Variants in GBF1 observed in about 807,000 individuals in gnomAD.
GBF1 encodes the protein golgi brefeldin A resistant guanine nucleotide exchange factor 1.
In GBF1, 114 loss-of-function variants were observed where a neutral mutation model predicts 210.5. The ratio of observed to expected loss-of-function variants is 0.54; its 90% CI spans 0.47 to 0.63. The LOEUF is 0.63. Among genes scored for constraint, GBF1 ranks in the 30% least tolerant of loss-of-function variants. GBF1 has a pLI of 0.00. For synonymous variants in GBF1, 850 were observed against 889.2 expected, an observed-to-expected ratio of 0.96 and a Z score of 0.78; for missense variants, 1,851 against 2,357.7, an observed-to-expected ratio of 0.79 and a Z score of 4.45.
At chr10:102,362,004 A>G in intron 14 of GBF1, 92 bp downstream of exon 14, 2 of 584,830 alleles carry the variant, frequency 3.4e-6, no homozygotes, top group Non-Finnish European at 5.7e-6. Context: ...AGAGAGGGGA[A>G]CACTTGAGAG....
intron 3 of GBF1, among the ~76,000 whole-genome samples, chr10:102,298,701 T>C (rs577586655): frequency 3.9e-5 from 6 of 152,320 alleles, no homozygotes; most frequent in African/African-American, 1.4e-4. Flanking sequence ...ATCCCCATTG[T>C]ATAGAAGAGG....
intron 29 of GBF1, among the ~76,000 whole-genome samples, chr10:102,373,624 G>T (rs1380565741): frequency 2.0e-5 from 3 of 152,200 alleles, no homozygotes; most frequent in Non-Finnish European, 4.4e-5. Flanking sequence ...GAAATAAAAA[G>T]TAGTGACAAT....
At chr10:102,271,284 G>A (rs776153687) in intron 3 of GBF1, among the ~76,000 whole-genome samples, 81 of 152,018 alleles carry the variant, frequency 5.3e-4, no homozygotes, top group Non-Finnish European at 7.5e-4. Flanking sequence ...TGATCTGCCC[G>A]CCTCGGCCTC....
At chr10:102,345,959 A>T (rs1397640562) in intron 4 of GBF1, among the ~76,000 whole-genome samples, 2 of 151,970 alleles carry the variant, frequency 1.3e-5, no homozygotes, top group Admixed American at 6.6e-5. Flanking sequence ...TAGCTCTATA[A>T]TTTCCATAGT....
At position 102,377,147 on chromosome 10, in the gene GBF1, A is replaced by G; in HGVS notation, c.4494+7A>G. ...TTTACAGGTCAGTCAGGACGTAAGT[A>G]TGGCACCCTTTACTTCCTCTCCTCC... On this transcript the variant is annotated splice_region_variant and intron_variant, in intron 33 of 39. Transcript: ENST00000369983. The G allele has an allele frequency of 1.2e-6, 2 of 1,607,632 alleles. No individual in the cohort carries two copies. The highest frequency in any genetic ancestry group is 2.7e-5 in the African/African-American group (2 of 74,908).
intron 3 of GBF1, among the ~76,000 whole-genome samples, chr10:102,334,214 T>G (rs1337943131): frequency 6.6e-6 from 1 of 152,092 alleles, no homozygotes; most frequent in African/African-American, 2.4e-5. Flanking sequence ...CCAAATGGTG[T>G]TGAAATAACA....
chr10:102,379,997 C>T, intron 36 of GBF1, 43 bp downstream of exon 36: 1 of 1,346,154 alleles, frequency 7.4e-7, no homozygotes. Context: ...CCCATACCTG[C>T]CTTTTCCCGA....
At position 102,376,712 on chromosome 10, in the gene GBF1, T is replaced by C. The variant is rs2180707; in HGVS notation, c.4200T>C (p.Ile1400=). The C allele has an allele frequency of 1, 1,612,068 of 1,613,278 alleles. 805,445 individuals carry two copies. Among genetic ancestry groups the C allele is most frequent in the East Asian group, 1 (44,859 of 44,860 alleles). Residue 1400 remains isoleucine (I), a synonymous_variant, in exon 32 of 40, where the codon ATT becomes ATC. Transcript: ENST00000369983. ...LLKCVESLSF[I]VRDAAHITPD... The stretch of plus-strand genomic sequence containing the variant: ...AGTGTGTGGAATCGCTGTCCTTCAT[T>C]GTGCGTGATGCTGCCCACATCACAC...
chr10:102,285,851 A>T (rs1423203118), intron 3 of GBF1, among the ~76,000 whole-genome samples: 1 of 150,896 alleles, frequency 6.6e-6, no homozygotes, highest in Non-Finnish European at 1.5e-5. Context: ...TTATATGTTG[A>T]GTGGTAGGTT....
In GBF1 at chr10:102,361,733, C is replaced by T; in HGVS notation, c.1507C>T (p.Leu503Phe). Reference sequence around the variant, plus strand: ...TTATTGCCAGATGTACATCAAAAAGCTTATGGAGATCATCACTGTGGAGAA... The same window carrying T: ...TTATTGCCAGATGTACATCAAAAAGTTTATGGAGATCATCACTGTGGAGAA... Reference protein sequence around the residue: ...KFQMEMYIKKLMEIITVENPK... With the variant: ...KFQMEMYIKKFMEIITVENPK... The change falls in exon 14 of 40, where the codon CTT (leucine) becomes TTT (phenylalanine). Residue 503 changes from leucine (L) to phenylalanine (F), a missense_variant. Leu to Phe is a conservative substitution (Grantham distance 22, BLOSUM62 0). Coordinates refer to ENST00000369983, the MANE Select transcript of GBF1 (RefSeq NM_001377137.1). 1 of 1,596,182 alleles carries T rather than the reference C, an allele frequency of 6.3e-7. No individual in the cohort carries two copies. The highest frequency in any genetic ancestry group is 8.5e-7 in the Non-Finnish European group (1 of 1,171,626).
chr10:102,248,398 AT>A (rs1453183806), intron 1 of GBF1, among the ~76,000 whole-genome samples: 1 of 152,032 alleles, frequency 6.6e-6, no homozygotes, highest in African/African-American at 2.4e-5. Flanking sequence ...AGAAGTGATT[AT>A]TTGTTCTAGT....
intron 3 of GBF1, among the ~76,000 whole-genome samples, chr10:102,267,843 T>G (rs1489248804): frequency 6.6e-6 from 1 of 152,194 alleles, no homozygotes; most frequent in East Asian, 1.9e-4. Flanking sequence ...CTGTTTTACT[T>G]TCTTGGTTTA....
chr10:102,359,342 T>C lies in GBF1; in HGVS notation c.1087T>C (p.Ser363Pro). The C allele has an allele frequency of 6.2e-7, 1 of 1,610,508 alleles. No homozygotes were observed. The highest frequency in any genetic ancestry group is 2.2e-5 in the East Asian group (1 of 44,862). The change falls in exon 11 of 40, where the codon TCC (serine) becomes CCC (proline). Residue 363 changes from serine (S) to proline (P), a missense_variant. By Grantham distance (74) the Ser-to-Pro change is moderately conservative (BLOSUM62 -1). Transcript: ENST00000369983. Reference protein sequence around the residue: ...SIPEVLEECTSPADHSDSASV... With the variant: ...SIPEVLEECTPPADHSDSASV... Reference sequence around the variant, plus strand: ...CCCTGAAGTGTTAGAGGAGTGCACGTCCCCTGCCGACCACTCTGACTCTGC... The same window carrying C: ...CCCTGAAGTGTTAGAGGAGTGCACGCCCCCTGCCGACCACTCTGACTCTGC...
intron 1 of GBF1, among the ~76,000 whole-genome samples, chr10:102,255,172 C>T (rs2072166911): frequency 6.6e-6 from 1 of 152,066 alleles, no homozygotes; most frequent in African/African-American, 2.4e-5. Context: ...TCCCAAGCAG[C>T]TGGGATTACA....
intron 24 of GBF1, 103 bp downstream of exon 24, chr10:102,369,490 G>A (rs1461371812): frequency 1.0e-6 from 1 of 971,968 alleles, no homozygotes; most frequent in Middle Eastern, 2.5e-4. Flanking sequence ...TGTTGGGCCT[G>A]ATGCCTGCCA....
intron 3 of GBF1, among the ~76,000 whole-genome samples, chr10:102,299,847 C>A (rs2077199443): frequency 6.6e-6 from 1 of 152,188 alleles, no homozygotes; most frequent in Admixed American, 6.5e-5. Flanking sequence ...TACCTGTGTA[C>A]TACCTACTAT....
intron 17 of GBF1, among the ~76,000 whole-genome samples, chr10:102,364,644 T>G (rs2059809584): frequency 6.7e-6 from 1 of 150,168 alleles, no homozygotes. Flanking sequence ...AGGTCAGGAG[T>G]TTGAGACCAG....
intron 3 of GBF1, among the ~76,000 whole-genome samples, chr10:102,269,027 G>T (rs1243674691): frequency 6.6e-6 from 1 of 152,196 alleles, no homozygotes; most frequent in Non-Finnish European, 1.5e-5. Flanking sequence ...CAGTTTAGGG[G>T]CCTTTATTCC....
chr10:102,280,814 G>C (rs936001008), intron 3 of GBF1, among the ~76,000 whole-genome samples: 19 of 152,202 alleles, frequency 1.2e-4, no homozygotes, highest in Non-Finnish European at 2.4e-4. Context: ...CAGGAGTGCA[G>C]CTGGAAGTAT....
Sources: gnomAD v4.1 joint callset for allele counts (sites outside exome capture counted in the v4.1 genomes callset) on GRCh38, gnomAD v4.1.1 for gene constraint, MANE v1.5 for transcripts, NCBI Gene and HGNC (gene_info 2026-07-23, HGNC 2026-07-21) for gene names.